The following KLC1 variants were observed in gnomAD, a reference collection of about 807,000 sequenced individuals.
KLC1 encodes kinesin light chain 1.
A neutral mutation model predicts 84.2 loss-of-function variants in KLC1; 30 were observed. The ratio of observed to expected loss-of-function variants is 0.36; its 90% confidence interval spans 0.27 to 0.48. The LOEUF (loss-of-function observed/expected upper bound fraction) is 0.48, where lower values mean the gene tolerates loss of function less well. KLC1 is among the 20% of genes least tolerant of loss of function. KLC1 has a pLI of 0.99. For missense variants in KLC1, 499 were observed against 805.4 expected, an observed-to-expected ratio of 0.62 and a Z score of 4.60; for synonymous variants, 289 against 293.3, an observed-to-expected ratio of 0.99 and a Z score of 0.15.
At chr14:103,659,996 C>T (rs1307206883) in intron 3 of KLC1, among the ~76,000 whole-genome samples, 5 of 152,118 alleles carry the variant, frequency 3.3e-5, no homozygotes, top group African/African-American at 1.2e-4. Context: ...GAGGGCCCCA[C>T]ACTTTCGAGC....
chr14:103,685,975 C>T lies in KLC1; in HGVS notation c.1651-1106C>T, dbSNP rs950945432. ...TTAAGTGTCACACAAGGTGTTGTTG[C>T]AATGGCATGACGGTGACCTGTTGAC... On this transcript the variant is annotated intron_variant, in intron 13 of 16. Coordinates refer to ENST00000334553, the MANE Select transcript of KLC1 (RefSeq NM_001394837.1). The T allele has an allele frequency of 3.6e-6, 4 of 1,117,360 alleles. No individual in the cohort carries two copies. The African/African-American group carries it at 4.9e-5, about 14-fold the overall frequency. 69.2% of individuals were successfully genotyped at this position (1,117,360 alleles called of 1,614,324 possible). A position where few individuals can be genotyped will look rare whatever the true frequency, so the allele number is the denominator to read the frequency against.
chr14:103,653,414 C>T (rs539425281), intron 1 of KLC1, among the ~76,000 whole-genome samples: 5 of 152,274 alleles, frequency 3.3e-5, no homozygotes, highest in East Asian at 1.9e-4. Flanking sequence ...CTCTGCCTCC[C>T]GGGCTCAAGT....
Position 103,673,076 on chromosome 14 carries a change from G to C in KLC1, c.1050G>C (p.Gln350His). 6.2e-7 allele frequency: 1 copy of C among 1,614,014 alleles called. No individual in the cohort carries two copies. Among genetic ancestry groups the C allele is most frequent in the Non-Finnish European group, 8.5e-7 (1 of 1,179,990 alleles). ...KQLNNLALLCQNQGKYEEVEY... is the reference protein window; with the variant it reads ...KQLNNLALLCHNQGKYEEVEY... ...TAAATAACTTGGCCTTACTGTGCCA[G>C]AACCAGGGCAAGTATGAAGAAGTAG... The change falls in exon 8 of 17, where the codon CAG (glutamine) becomes CAC (histidine). Residue 350 changes from glutamine to histidine, a missense_variant. Gln to His is a conservative substitution (Grantham distance 24). This residue lies in a region of KLC1 where 153 missense variants were observed against 332.4 expected (regional missense o/e 0.46). Transcript: ENST00000334553.
chr14:103,641,595 T>G (rs1320385248), intron 1 of KLC1, among the ~76,000 whole-genome samples: 1 of 152,074 alleles, frequency 6.6e-6, no homozygotes, highest in Non-Finnish European at 1.5e-5. Flanking sequence ...TAAAAAAAAT[T>G]TAATAATAAT....
rs566406737 is a variant in KLC1 at position 103,662,291 on chromosome 14, C to A, written c.571+97C>A. 27 of 993,656 alleles carry A rather than the reference C, an allele frequency of 2.7e-5. 1 individual carries two copies. The highest frequency in any genetic ancestry group is 1.4e-4 in the African/African-American group (9 of 62,896). The allele number at this position is 993,656 out of a possible 1,614,324, so 61.6% of individuals were successfully genotyped here. ...CAATCAGTGGCAGCCTTAGTGCATGCGGCCTGCCTGGAGGAAGCACCACCA... is the reference window on the plus strand; with the variant it reads ...CAATCAGTGGCAGCCTTAGTGCATGAGGCCTGCCTGGAGGAAGCACCACCA... On this transcript the variant is annotated intron_variant, in intron 4 of 16. Coordinates refer to ENST00000334553, the MANE Select transcript of KLC1 (RefSeq NM_001394837.1).
intron 1 of KLC1, among the ~76,000 whole-genome samples, chr14:103,633,071 T>C (rs2076803213): frequency 6.6e-6 from 1 of 151,668 alleles, no homozygotes; most frequent in South Asian, 2.1e-4. Context: ...ATTTTTTTTT[T>C]TTTTGAGATG....
intron 13 of KLC1, among the ~76,000 whole-genome samples, chr14:103,682,093 G>A (rs115092896): frequency 0.017 from 2,562 of 152,090 alleles, 66 homozygotes; most frequent in African/African-American, 0.058. Flanking sequence ...ATACCTTGCC[G>A]GGCGCGGTGG....
rs1449040991 is a variant in KLC1 at position 103,700,800 on chromosome 14, G to C, written c.*1+73G>C. 9.9e-6 allele frequency: 12 copies of C among 1,214,124 alleles called. 1 individual carries two copies. In the South Asian group the frequency reaches 1.0e-4, roughly 10 times the overall value. 75.2% of individuals were successfully genotyped at this position (1,214,124 alleles called of 1,614,324 possible). ...GAGGGACTTTGCACATGCAGGGACT[G>C]GGGGGAGCTGGGGATGGGCAAGTGG... On this transcript the variant is annotated intron_variant, in intron 16 of 16. Transcript: ENST00000334553.
At chr14:103,639,700 A>G (rs1232076135) in intron 1 of KLC1, among the ~76,000 whole-genome samples, 1 of 152,124 alleles carries the variant, frequency 6.6e-6, no homozygotes, top group African/African-American at 2.4e-5. Flanking sequence ...TTGGCCTCCC[A>G]AAGTGCTGGG....
chr14:103,639,177 T>A (rs147260510), intron 1 of KLC1, among the ~76,000 whole-genome samples: 2 of 152,312 alleles, frequency 1.3e-5, no homozygotes, highest in Non-Finnish European at 2.9e-5. Flanking sequence ...CTTTCCTTTT[T>A]TTTGAGATGG....
intron 14 of KLC1, among the ~76,000 whole-genome samples, chr14:103,691,155 C>CTTTTTT (rs11384297): frequency 3.1e-5 from 4 of 129,482 alleles, no homozygotes; most frequent in East Asian, 2.1e-4. Context: ...GTTCCCCCCA[C>CTTTTTT]TTTTTTTTTT....
At chr14:103,698,229 T>TG (rs2082732170) in intron 15 of KLC1, 1 of 171,362 alleles carries the variant, frequency 5.8e-6, no homozygotes, top group Admixed American at 5.5e-5. Context: ...TGAAGTTTTG[T>TG]GGGGCACAGT....
chr14:103,657,065 G>C (rs771601652), intron 2 of KLC1, among the ~76,000 whole-genome samples: 5 of 152,088 alleles, frequency 3.3e-5, no homozygotes, highest in Non-Finnish European at 7.4e-5. Context: ...CTACAGAGAT[G>C]TCTTCTCTCA....
At chr14:103,658,454 T>TTA (rs1181178814) in intron 3 of KLC1, among the ~76,000 whole-genome samples, 4 of 132,656 alleles carry the variant, frequency 3.0e-5, no homozygotes, top group Admixed American at 7.7e-5. Flanking sequence ...TTTTTTTTTT[T>TTA]AGTAGAGATG....
At chr14:103,677,549 G>C (rs748497605) in intron 12 of KLC1, 26 bp downstream of exon 12, 1 of 1,375,488 alleles carries the variant, frequency 7.3e-7, no homozygotes, top group Non-Finnish European at 1.0e-6. Context: ...GTCCTTAACC[G>C]GCCCATGGGA....
At chr14:103,640,424 G>A (rs771100863) in intron 1 of KLC1, among the ~76,000 whole-genome samples, 2 of 150,448 alleles carry the variant, frequency 1.3e-5, no homozygotes, top group Non-Finnish European at 1.5e-5. Context: ...GCAGTGGCGC[G>A]ATCTCTGCTC....
intron 1 of KLC1, among the ~76,000 whole-genome samples, chr14:103,640,092 G>C (rs58272785): frequency 2.3e-3 from 345 of 152,140 alleles, no homozygotes; most frequent in African/African-American, 8.1e-3. Context: ...TTTTGAGACA[G>C]AGTTTCGCTC....
chr14:103,641,553 A>G (rs983390881), intron 1 of KLC1, among the ~76,000 whole-genome samples: 3 of 152,160 alleles, frequency 2.0e-5, no homozygotes, highest in Non-Finnish European at 2.9e-5. Flanking sequence ...GTATTCTCAC[A>G]TGGTGAAAAG....
intron 1 of KLC1, among the ~76,000 whole-genome samples, chr14:103,653,725 G>A (rs903329792): frequency 7.2e-5 from 11 of 152,190 alleles, no homozygotes; most frequent in African/African-American, 1.7e-4. Flanking sequence ...TAACTCTGAC[G>A]TGTAATCTTG....
Sources: gnomAD v4.1 joint callset for allele counts (sites outside exome capture counted in the v4.1 genomes callset) on GRCh38, gnomAD v4.1.1 for gene constraint, gnomAD v4.1.1 regional missense constraint, MANE v1.5 for transcripts, NCBI Gene and HGNC (gene_info 2026-07-23, HGNC 2026-07-21) for gene names.